Variants in CDHR3 observed in about 807,000 individuals in gnomAD.
The protein encoded by CDHR3 is cadherin related family member 3.
A neutral mutation model predicts 86.6 loss-of-function variants in CDHR3; 79 were observed. That is an observed-to-expected ratio of 0.91 (90% CI 0.76 to 1.10). The LOEUF (loss-of-function observed/expected upper bound fraction) is 1.10. CDHR3 is among the 50% of genes least tolerant of loss of function. CDHR3 has a pLI of 0.00. For synonymous variants in CDHR3, 421 were observed against 402.4 expected (o/e 1.05, Z -0.55); for missense variants, 1,081 against 1,077.6 (o/e 1.00, Z -0.04).
chr7:106,031,416 C>G (rs1055333063), intron 18 of CDHR3, among the ~76,000 whole-genome samples: 4 of 152,204 alleles, frequency 2.6e-5, no homozygotes, highest in Admixed American at 1.3e-4. Context: ...TTACACTCAT[C>G]CCTCTGCTTA....
intron 18 of CDHR3, among the ~76,000 whole-genome samples, chr7:106,031,042 AG>A (rs974206987): frequency 7.2e-5 from 11 of 152,222 alleles, no homozygotes; most frequent in African/African-American, 2.4e-4. Flanking sequence ...GCTCAAGTAC[AG>A]GGTCACACTT....
rs908528026 is a variant in CDHR3, at chr7:106,034,572, T to C, written c.*1875T>C. 3.9e-5 allele frequency among the ~76,000 whole-genome samples: 6 copies of C among 152,222 alleles called. No homozygotes were observed. Among genetic ancestry groups the C allele is most frequent in the African/African-American group, 1.2e-4 (5 of 41,452 alleles). On this transcript the variant is annotated 3_prime_UTR_variant, in exon 19 of 19. Transcript: ENST00000317716. ...AAGGGTTGGTTGCCAGGGAACTCCC[T>C]TGAATGGATTTAAACTTTGCAAAAG...
rs1256293261 is a variant in CDHR3 at position 106,015,242 on chromosome 7, T to A, written c.1327+29T>A. The A allele has an allele frequency of 3.2e-6, 5 of 1,550,446 alleles. No individual in the cohort carries two copies. The Admixed American group carries it at 9.3e-5, about 29-fold the overall frequency. On this transcript the variant is annotated intron_variant, in intron 10 of 18. Transcript: ENST00000317716. ...AGTATCATTTTGTTTTATTTCATGATTGTCTTTCTTGAGTATCAATGACCA... is the reference window on the plus strand; with the variant it reads ...AGTATCATTTTGTTTTATTTCATGAATGTCTTTCTTGAGTATCAATGACCA...
chr7:105,987,933 C>A (rs1457852915), intron 4 of CDHR3, among the ~76,000 whole-genome samples: 1 of 152,220 alleles, frequency 6.6e-6, no homozygotes, highest in African/African-American at 2.4e-5. Flanking sequence ...CTCTATCACC[C>A]AGGCTAGAGT....
At chr7:105,996,565 A>T (rs1157100820) in intron 6 of CDHR3, among the ~76,000 whole-genome samples, 1 of 152,080 alleles carries the variant, frequency 6.6e-6, no homozygotes, top group Non-Finnish European at 1.5e-5. Context: ...GTACCCACAC[A>T]TTCACATGCA....
At chr7:106,006,529 T>C (rs1274747405) in intron 8 of CDHR3, among the ~76,000 whole-genome samples, 1 of 152,174 alleles carries the variant, frequency 6.6e-6, no homozygotes, top group Non-Finnish European at 1.5e-5. Flanking sequence ...TGGGATAAAT[T>C]GGCCAAAATG....
At chr7:105,976,982 C>CT (rs11334460) in intron 2 of CDHR3, among the ~76,000 whole-genome samples, 19,528 of 128,406 alleles carry the variant, frequency 0.15, 1,840 homozygotes, top group East Asian at 0.28. Flanking sequence ...TACCTGATCT[C>CT]TTTTTTTTTT....
At chr7:106,011,119 TAA>T (rs1834736671) in intron 8 of CDHR3, among the ~76,000 whole-genome samples, 1 of 152,182 alleles carries the variant, frequency 6.6e-6, no homozygotes, top group Non-Finnish European at 1.5e-5. Flanking sequence ...TATATTTTTG[TAA>T]GAAATTCTAC....
intron 8 of CDHR3, among the ~76,000 whole-genome samples, chr7:106,009,198 T>C (rs957629359): frequency 1.3e-5 from 2 of 152,152 alleles, no homozygotes; most frequent in Admixed American, 1.3e-4. Context: ...AGTTCCCTCT[T>C]TGGGCTCTTC....
At position 106,006,643 on chromosome 7, in the gene CDHR3, C is replaced by T. The variant is rs147234850; in HGVS notation, c.1052+1956C>T. Among the ~76,000 whole-genome samples the T allele has an allele frequency of 1.5e-4, 23 of 152,352 alleles. No homozygotes were observed. The East Asian group carries it at 4.4e-3, about 29-fold the overall frequency. On this transcript the variant is annotated intron_variant, in intron 8 of 18. Coordinates refer to ENST00000317716, the MANE Select transcript of CDHR3 (RefSeq NM_152750.5). The stretch of plus-strand genomic sequence containing the variant: ...CTCCATGTCTCACATCCAGGTCACG[C>T]TCATGCAAGAGGTGGGTTCCCATGA...
chr7:105,980,333 GC>G (rs1279669363), intron 2 of CDHR3, among the ~76,000 whole-genome samples: 1 of 152,130 alleles, frequency 6.6e-6, no homozygotes, highest in African/African-American at 2.4e-5. Context: ...GCAACCTTAC[GC>G]GTAATATAAG....
intron 2 of CDHR3, 43 bp downstream of exon 2, chr7:105,975,089 T>A (rs143359316): frequency 1.2e-4 from 171 of 1,480,630 alleles, no homozygotes; most frequent in Non-Finnish European, 1.6e-4. Flanking sequence ...TGCAAAGAGG[T>A]GATCCTGAAA....
intron 3 of CDHR3, among the ~76,000 whole-genome samples, chr7:105,982,967 A>T (rs1829988018): frequency 7.1e-6 from 1 of 141,618 alleles, no homozygotes; most frequent in Non-Finnish European, 1.5e-5. Context: ...TGGGTTACAA[A>T]GCAAGACCCT....
At position 106,001,527 on chromosome 7, in the gene CDHR3, C is replaced by T. The variant is rs372834692; in HGVS notation, c.779C>T (p.Ala260Val). The change falls in exon 7 of 19, where the codon GCG (alanine) becomes GTG (valine). Residue 260 changes from alanine (A) to valine (V), a missense_variant. By Grantham distance (64) the Ala-to-Val change is moderately conservative (BLOSUM62 0). Transcript: ENST00000317716. The stretch of plus-strand genomic sequence containing the variant: ...GGAACCATCGTGGCCAATATCACAG[C>T]GGAGGATCCTGATGATGAAGGTTTT... The part of the protein sequence containing the change: ...SPGTIVANIT[A>V]EDPDDEGFPS... The T allele has an allele frequency of 3.5e-5, 56 of 1,613,836 alleles. No individual in the cohort carries two copies. Among genetic ancestry groups the T allele is most frequent in the East Asian group, 6.7e-5 (3 of 44,894 alleles).
At chr7:106,015,349 C>T (rs1263462582) in intron 10 of CDHR3, 136 bp downstream of exon 10, 15 of 654,612 alleles carry the variant, frequency 2.3e-5, no homozygotes, top group South Asian at 8.7e-5. Context: ...CCCTCTTTCT[C>T]GGCTGAATTA....
chr7:106,004,997 A>G (rs1311388452), intron 8 of CDHR3, among the ~76,000 whole-genome samples: 1 of 152,160 alleles, frequency 6.6e-6, no homozygotes, highest in Non-Finnish European at 1.5e-5. Context: ...GGGACTTGTT[A>G]GGCCCTCCCT....
At position 106,022,251 on chromosome 7, in the gene CDHR3, C is replaced by A; in HGVS notation, c.1879C>A (p.Arg627Ser). 1 of 1,614,054 alleles carries A rather than the reference C, an allele frequency of 6.2e-7. No individual in the cohort carries two copies. Residue 627 changes from arginine to serine, a missense_variant, in exon 14 of 19, where the codon CGC becomes AGC. Coordinates refer to ENST00000317716, the MANE Select transcript of CDHR3 (RefSeq NM_152750.5). ...FSPNAGSNVT[R>S]LLLTSRFDYA... is the part of the protein sequence containing the mutation. ...TCCCAATGCTGGTTCCAATGTCACA[C>A]GCCTGCTGCTTACATCTCGCTTTGA...
chr7:105,986,560 G>A (rs1830557814), intron 4 of CDHR3, among the ~76,000 whole-genome samples: 1 of 152,158 alleles, frequency 6.6e-6, no homozygotes, highest in African/African-American at 2.4e-5. Flanking sequence ...TGACGTGGGA[G>A]GGCTTCAGAA....
rs147807942 is a variant in CDHR3, at chr7:106,021,004, T to C, written c.1825+460T>C. On this transcript the variant is annotated intron_variant, in intron 13 of 18. Transcript: ENST00000317716. The stretch of plus-strand genomic sequence containing the variant: ...TTGTTAGAAAAAATGCAGTCCAACT[T>C]TTCGACCACCTCTTTTCCTGAAAGC... 3.5e-3 allele frequency among the ~76,000 whole-genome samples: 538 copies of C among 152,250 alleles called. 3 individuals are homozygous for C. The highest frequency in any genetic ancestry group is 6.0e-3 in the Admixed American group (92 of 15,302).
Sources: gnomAD v4.1 joint callset for allele counts (sites outside exome capture counted in the v4.1 genomes callset) on GRCh38, gnomAD v4.1.1 for gene constraint, MANE v1.5 for transcripts, NCBI Gene and HGNC (gene_info 2026-07-23, HGNC 2026-07-21) for gene names.